Variants in ABRAXAS1 observed in about 807,000 individuals in gnomAD.
ABRAXAS1 encodes abraxas 1, BRCA1 A complex subunit.
Under a neutral mutation model 38.4 loss-of-function variants are expected in ABRAXAS1, and 26 were observed. The observed-to-expected ratio is 0.68, with a 90% CI of 0.50 to 0.94. The LOEUF (loss-of-function observed/expected upper bound fraction) is 0.94, where lower values mean the gene tolerates loss of function less well. Among genes scored for constraint, ABRAXAS1 ranks in the 40% least tolerant of loss-of-function variants. The pLI, the probability that ABRAXAS1 is intolerant of heterozygous loss-of-function variation, is 0.00. For missense variants in ABRAXAS1, 438 were observed against 481.9 expected (o/e 0.91, Z 0.85); for synonymous variants, 144 against 165.5 (o/e 0.87, Z 1.00).
intron 7 of ABRAXAS1, among the ~76,000 whole-genome samples, chr4:83,465,201 CAA>C (rs779129142): frequency 6.4e-4 from 91 of 142,718 alleles, no homozygotes; most frequent in Admixed American, 1.7e-3. Flanking sequence ...GAGGCTGAGA[CAA>C]GAGAATCTCT....
At chr4:83,470,747 A>T (rs1323315539) in intron 4 of ABRAXAS1, among the ~76,000 whole-genome samples, 1 of 152,236 alleles carries the variant, frequency 6.6e-6, no homozygotes, top group Non-Finnish European at 1.5e-5. Context: ...TTCACTTAAA[A>T]GGCAATCCCT....
In ABRAXAS1 at chr4:83,463,536, G is replaced by C. The variant is rs1300270870; in HGVS notation, c.754C>G (p.Arg252Gly). Reference protein sequence around the residue: ...KLVKDVNRLKREIEKRRGAQI... With the variant: ...KLVKDVNRLKGEIEKRRGAQI... ...GCTCCTCTCCTTTTCTCAATTTCTC[G>C]TTTTAATCTGTTTACATCCTTTACT... Residue 252 changes from arginine (R) to glycine (G), a missense_variant, in exon 8 of 9, where the codon CGA becomes GGA. Coordinates refer to ENST00000321945, the MANE Select transcript of ABRAXAS1 (RefSeq NM_139076.3). 2 of 1,611,104 alleles carry C rather than the reference G, an allele frequency of 1.2e-6. No homozygotes were observed.
chr4:83,478,330 A>G, intron 2 of ABRAXAS1: 5 of 610,932 alleles, frequency 8.2e-6, no homozygotes, highest in South Asian at 5.5e-5. Flanking sequence ...GCTTTTTTGT[A>G]TTCTAAAGGA....
chr4:83,471,191 CTTTTTTTTTTTTTTT>C (rs869128932), intron 4 of ABRAXAS1, among the ~76,000 whole-genome samples: 3 of 58,170 alleles, frequency 5.2e-5, no homozygotes, highest in Admixed American at 2.3e-4. Flanking sequence ...AAAGAAACAT[CTTTTTTTTTTTTTTT>C]TTTTTTTTTT....
intron 2 of ABRAXAS1, 133 bp from the exon 3 acceptor site, chr4:83,476,812 A>G (rs1478608236): frequency 5.1e-6 from 3 of 587,692 alleles, no homozygotes; most frequent in African/African-American, 1.8e-5. Context: ...CTCACAACAA[A>G]TCTGCGACAT....
At chr4:83,477,200 AC>A (rs1429032808) in intron 2 of ABRAXAS1, among the ~76,000 whole-genome samples, 1 of 152,232 alleles carries the variant, frequency 6.6e-6, no homozygotes, top group Non-Finnish European at 1.5e-5. Flanking sequence ...AGAGCTTAGC[AC>A]TGTACCTAAT....
In ABRAXAS1 at chr4:83,485,060, T is replaced by C. The variant is rs751509771; in HGVS notation, c.13A>G (p.Ser5Gly). Residue 5 changes from serine to glycine, a missense_variant, in exon 1 of 9, where the codon AGT becomes GGT. Physicochemically the swap from Ser to Gly is moderately conservative, Grantham distance 56 (BLOSUM62 0). This residue lies in a region of ABRAXAS1 where 60 missense variants were observed against 31.1 expected (regional missense o/e 1.93). Coordinates refer to ENST00000321945, the MANE Select transcript of ABRAXAS1 (RefSeq NM_139076.3). The part of the protein sequence containing the change: MEGE[S>G]TSAVLSGFVL... Reference sequence around the variant, plus strand: ...AAGCCCGAGAGCACCGCCGACGTACTCTCCCCCTCCATGCTACCGCCGCCT... The same window carrying C: ...AAGCCCGAGAGCACCGCCGACGTACCCTCCCCCTCCATGCTACCGCCGCCT... 13 of 1,589,608 alleles carry C rather than the reference T, an allele frequency of 8.2e-6. No homozygotes were observed. The highest frequency in any genetic ancestry group is 2.4e-5 in the East Asian group (1 of 42,306).
rs1722145525 is a variant in ABRAXAS1 at position 83,462,224 on chromosome 4, G to C, written c.*245C>G. On this transcript the variant is annotated 3_prime_UTR_variant, in exon 9 of 9. Transcript: ENST00000321945. ...TTCCAATTCTAAAGAATGTGTCTGT[G>C]TAAGCCTTCCCCTCAACAACTTAGT... The C allele has an allele frequency of 2.2e-6, 1 of 458,892 alleles. No homozygotes were observed. The highest frequency in any genetic ancestry group is 3.8e-5 in the East Asian group (1 of 26,122). 28.4% of individuals were successfully genotyped at this position (458,892 alleles called of 1,614,324 possible).
chr4:83,484,653 A>G lies in ABRAXAS1; in HGVS notation c.87+333T>C, dbSNP rs539241671. Among the ~76,000 whole-genome samples the G allele has an allele frequency of 5.0e-4, 76 of 152,374 alleles. 1 individual carries two copies. The highest frequency in any genetic ancestry group is 1.8e-3 in the African/African-American group (76 of 41,590). Reference sequence around the variant, plus strand: ...AAGTTTACCGCAGGCTCCGCAGAGCAGCGGAAAGACGCTCCGTGAACTTTC... The same window carrying G: ...AAGTTTACCGCAGGCTCCGCAGAGCGGCGGAAAGACGCTCCGTGAACTTTC... On this transcript the variant is annotated intron_variant, in intron 1 of 8. Transcript: ENST00000321945.
chr4:83,461,122 G>A lies in ABRAXAS1; in HGVS notation c.*1347C>T, dbSNP rs1386416938. 3.7e-6 allele frequency: 6 copies of A among 1,613,610 alleles called. No individual in the cohort carries two copies. The highest frequency in any genetic ancestry group is 5.1e-6 in the Non-Finnish European group (6 of 1,179,782). On this transcript the variant is annotated 3_prime_UTR_variant, in exon 9 of 9. Transcript: ENST00000321945. ...AGAACTTTAATTATCTCTTTACAGGGTTTATGCCAGTTACATACAAGGATC... is the reference window on the plus strand; with the variant it reads ...AGAACTTTAATTATCTCTTTACAGGATTTATGCCAGTTACATACAAGGATC...
At position 83,478,426 on chromosome 4, in the gene ABRAXAS1, G is replaced by C. The variant is rs191051176; in HGVS notation, c.179-1747C>G. On this transcript the variant is annotated intron_variant, in intron 2 of 8. Coordinates refer to ENST00000321945, the MANE Select transcript of ABRAXAS1 (RefSeq NM_139076.3). ...TAGCTCAAGAGGCTTTAAATCTAAG[G>C]ACTGAATTATATGTGAGCCCAGCCC... The C allele has an allele frequency of 2.7e-3, 1,336 of 501,968 alleles. 18 individuals are homozygous for C. Among genetic ancestry groups the C allele is most frequent in the Middle Eastern group, 0.012 (23 of 1,962 alleles). The allele number at this position is 501,968 out of a possible 1,614,324, so 31.1% of individuals were successfully genotyped here. A position where few individuals can be genotyped will look rare whatever the true frequency, so the allele number is the denominator to read the frequency against.
chr4:83,483,258 G>T (rs1578137428), intron 1 of ABRAXAS1, among the ~76,000 whole-genome samples: 2 of 151,288 alleles, frequency 1.3e-5, no homozygotes, highest in Non-Finnish European at 2.9e-5. Flanking sequence ...CAATGTGCTT[G>T]ACAATGAAGA....
chr4:83,462,330 T>TG lies in ABRAXAS1; in HGVS notation c.*138_*139insC. 1 of 705,120 alleles carries TG rather than the reference T, an allele frequency of 1.4e-6. No individual in the cohort carries two copies. Among genetic ancestry groups the TG allele is most frequent in the South Asian group, 1.9e-5 (1 of 52,558 alleles). The allele number at this position is 705,120 out of a possible 1,614,324, so 43.7% of individuals were successfully genotyped here. A position where few individuals can be genotyped will look rare whatever the true frequency, so the allele number is the denominator to read the frequency against. On this transcript the variant is annotated 3_prime_UTR_variant, in exon 9 of 9. Transcript: ENST00000321945. ...TGTGAAGTAAATGCACTAAGAGTTA[T>TG]CTGTGTATTACTGCAAACAGGTGAA...
At chr4:83,476,490 G>A (rs1293905886) in intron 3 of ABRAXAS1, among the ~76,000 whole-genome samples, 153 bp downstream of exon 3, 1 of 152,058 alleles carries the variant, frequency 6.6e-6, no homozygotes, top group African/African-American at 2.4e-5. Flanking sequence ...ATACACAAGT[G>A]ATTTTTTCAG....
At chr4:83,470,794 G>A (rs550302569) in intron 4 of ABRAXAS1, among the ~76,000 whole-genome samples, 3 of 152,246 alleles carry the variant, frequency 2.0e-5, no homozygotes, top group African/African-American at 4.8e-5. Context: ...TGGACACTTG[G>A]TTTGTTAAAT....
intron 2 of ABRAXAS1, chr4:83,479,051 A>G (rs1055350497): frequency 2.6e-5 from 4 of 152,160 alleles, no homozygotes; most frequent in African/African-American, 9.7e-5. Context: ...TTAAAATGCT[A>G]TTTTTTTCAC....
intron 5 of ABRAXAS1, 142 bp from the exon 6 acceptor site, chr4:83,469,293 G>C: frequency 1.4e-5 from 9 of 626,672 alleles, no homozygotes; most frequent in Non-Finnish European, 1.9e-5. Context: ...ATCCAAAATA[G>C]AATTTACTGA....
chr4:83,484,690 G>A (rs1003675052), intron 1 of ABRAXAS1: 7 of 298,054 alleles, frequency 2.3e-5, no homozygotes, highest in Admixed American at 5.2e-5. Flanking sequence ...ATCTTTTCAC[G>A]CCCAAGTTTC....
chr4:83,461,284 A>G lies in ABRAXAS1; in HGVS notation c.*1185T>C, dbSNP rs1722103950. ...TGACTCAAACCAACCTTTGGATAGA[A>G]AAGTGTTTGAGGAGTGAGGTAAAGA... On this transcript the variant is annotated 3_prime_UTR_variant, in exon 9 of 9. Coordinates refer to ENST00000321945, the MANE Select transcript of ABRAXAS1 (RefSeq NM_139076.3). 6.1e-6 allele frequency: 7 copies of G among 1,156,312 alleles called. No individual in the cohort carries two copies. Among genetic ancestry groups the G allele is most frequent in the East Asian group, 2.4e-5 (1 of 42,544 alleles). The allele number at this position is 1,156,312 out of a possible 1,614,324, so 71.6% of individuals were successfully genotyped here. A position where few individuals can be genotyped will look rare whatever the true frequency, so the allele number is the denominator to read the frequency against.
Sources: gnomAD v4.1 joint callset for allele counts (sites outside exome capture counted in the v4.1 genomes callset) on GRCh38, gnomAD v4.1.1 for gene constraint, gnomAD v4.1.1 regional missense constraint, MANE v1.5 for transcripts, NCBI Gene and HGNC (gene_info 2026-07-23, HGNC 2026-07-21) for gene names.